DIAPH3: variants seen among roughly 807,000 people sequenced by gnomAD.
DIAPH3 encodes diaphanous related formin 3.
A neutral mutation model predicts 144.3 loss-of-function variants in DIAPH3; 117 were observed. The ratio of observed to expected loss-of-function variants is 0.81; its 90% CI spans 0.70 to 0.95. The LOEUF (loss-of-function observed/expected upper bound fraction) is 0.95, where lower values mean the gene tolerates loss of function less well. Ranked by LOEUF, DIAPH3 falls within the 40% of genes least tolerant of loss-of-function variation. DIAPH3 has a pLI of 0.00. For synonymous variants in DIAPH3, 519 were observed against 488.9 expected (o/e 1.06, Z -0.81); for missense variants, 1,421 against 1,412.7 (o/e 1.01, Z -0.09).
chr13:59,841,542 A>G (rs1200745886), intron 22 of DIAPH3, among the ~76,000 whole-genome samples: 2 of 152,150 alleles, frequency 1.3e-5, no homozygotes, highest in African/African-American at 4.8e-5. Flanking sequence ...TACAGTGACC[A>G]GTCATGGCAC....
chr13:60,131,537 A>G (rs2059141945), intron 2 of DIAPH3, among the ~76,000 whole-genome samples: 1 of 151,924 alleles, frequency 6.6e-6, no homozygotes, highest in Non-Finnish European at 1.5e-5. Context: ...GTGAATCACG[A>G]AAGACCACAT....
chr13:59,875,054 A>C (rs749255833), intron 21 of DIAPH3, among the ~76,000 whole-genome samples: 40 of 152,080 alleles, frequency 2.6e-4, no homozygotes, highest in Non-Finnish European at 4.0e-4. Context: ...AAATCCTTTG[A>C]AAAAAATGAA....
chr13:60,080,192 A>C (rs1364635274), intron 4 of DIAPH3, among the ~76,000 whole-genome samples: 1 of 151,926 alleles, frequency 6.6e-6, no homozygotes, highest in Non-Finnish European at 1.5e-5. Context: ...AAAAATCATT[A>C]ATGTTGTTAC....
intron 17 of DIAPH3, among the ~76,000 whole-genome samples, chr13:59,933,230 C>A (rs2048104982): frequency 6.6e-6 from 1 of 152,222 alleles, no homozygotes; most frequent in South Asian, 2.1e-4. Flanking sequence ...GGAATCCTGA[C>A]AACAGGTTCT....
At chr13:59,711,282 T>C (rs2034722356) in intron 27 of DIAPH3, among the ~76,000 whole-genome samples, 1 of 152,190 alleles carries the variant, frequency 6.6e-6, no homozygotes, top group African/African-American at 2.4e-5. Flanking sequence ...CCTTGAAGCT[T>C]GGAGTGGCTT....
chr13:59,729,810 A>ATTTTTTTTTTT lies in DIAPH3; in HGVS notation c.3319+44368_3319+44378dup, dbSNP rs59987412. On this transcript the variant is annotated intron_variant, in intron 27 of 27. Coordinates refer to ENST00000400324, the MANE Select transcript of DIAPH3 (RefSeq NM_001042517.2). ...TGTGACTTCCGGTGAATACATTAAT[A>ATTTTTTTTTTT]TTTTTTTTTTTTTTTTTTTGAGATA... Among the ~76,000 whole-genome samples the ATTTTTTTTTTT allele has an allele frequency of 9.5e-4, 127 of 134,208 alleles. 7 individuals carry two copies. The highest frequency in any genetic ancestry group is 3.6e-3 in the African/African-American group (117 of 32,604). The allele number at this position is 134,208 out of a possible 152,430, so 88.0% of individuals were successfully genotyped here.
At chr13:59,875,528 T>TA (rs144216660) in intron 21 of DIAPH3, among the ~76,000 whole-genome samples, 13,480 of 149,322 alleles carry the variant, frequency 0.09, 630 homozygotes, top group Admixed American at 0.11. Context: ...GAGATTGTTC[T>TA]AAAAAAAAAA....
intron 5 of DIAPH3, among the ~76,000 whole-genome samples, chr13:60,017,473 A>T (rs1234398636): frequency 2.0e-5 from 3 of 152,104 alleles, no homozygotes; most frequent in South Asian, 4.1e-4. Flanking sequence ...CTTAAGTCAT[A>T]TATCAGAAAA....
At chr13:59,948,428 C>G (rs1244199148) in intron 17 of DIAPH3, among the ~76,000 whole-genome samples, 1 of 152,156 alleles carries the variant, frequency 6.6e-6, no homozygotes, top group East Asian at 1.9e-4. Flanking sequence ...GTACGTCTAC[C>G]TAGTTTCCAT....
At chr13:60,121,808 G>A (rs1047085150) in intron 2 of DIAPH3, among the ~76,000 whole-genome samples, 13 of 152,134 alleles carry the variant, frequency 8.5e-5, no homozygotes, top group African/African-American at 1.9e-4. Flanking sequence ...CAGCTCTGCC[G>A]AAAGGTGATT....
At chr13:59,809,914 T>A (rs1051100391) in intron 25 of DIAPH3, among the ~76,000 whole-genome samples, 1 of 152,168 alleles carries the variant, frequency 6.6e-6, no homozygotes, top group African/African-American at 2.4e-5. Flanking sequence ...TAAAGCCTTG[T>A]TCAATCCTTA....
At chr13:60,007,333 G>A (rs1052995722) in intron 9 of DIAPH3, among the ~76,000 whole-genome samples, 1 of 152,158 alleles carries the variant, frequency 6.6e-6, no homozygotes, top group Non-Finnish European at 1.5e-5. Flanking sequence ...TTACAGGCAT[G>A]AGCCACCGCG....
At chr13:59,841,202 C>CA (rs1246434671) in intron 22 of DIAPH3, among the ~76,000 whole-genome samples, 2 of 152,124 alleles carry the variant, frequency 1.3e-5, no homozygotes, top group South Asian at 2.1e-4. Flanking sequence ...CTTAAAGTCT[C>CA]ATTAGCATTT....
intron 22 of DIAPH3, among the ~76,000 whole-genome samples, chr13:59,860,293 G>A (rs146256669): frequency 5.1e-4 from 78 of 152,026 alleles, no homozygotes; most frequent in African/African-American, 1.7e-3. Flanking sequence ...AAATAAAGAG[G>A]TTATAAAGAC....
At chr13:60,004,895 C>T (rs778733629) in intron 9 of DIAPH3, among the ~76,000 whole-genome samples, 72 of 152,226 alleles carry the variant, frequency 4.7e-4, no homozygotes, top group Middle Eastern at 3.4e-3. Flanking sequence ...TGAATCATCA[C>T]CTACTATGTC....
intron 27 of DIAPH3, among the ~76,000 whole-genome samples, chr13:59,697,459 C>CAAAAAAAAAAAA (rs58372882): frequency 1.1e-3 from 34 of 31,190 alleles, no homozygotes; most frequent in South Asian, 1.8e-3. Flanking sequence ...GACACTGTCT[C>CAAAAAAAAAAAA]AAAAAAAAAA....
At chr13:59,945,776 G>A (rs1209251154) in intron 17 of DIAPH3, among the ~76,000 whole-genome samples, 2 of 152,104 alleles carry the variant, frequency 1.3e-5, no homozygotes, top group Non-Finnish European at 2.9e-5. Flanking sequence ...GAGAACCAGG[G>A]TCAAGAGGTA....
intron 14 of DIAPH3, among the ~76,000 whole-genome samples, chr13:59,980,057 T>TTAA (rs1352346047): frequency 6.6e-6 from 1 of 151,630 alleles, no homozygotes; most frequent in Non-Finnish European, 1.5e-5. Context: ...ATCCTACTGC[T>TTAA]TAAGGTCACT....
intron 24 of DIAPH3, among the ~76,000 whole-genome samples, chr13:59,829,999 C>T (rs1254653068): frequency 2.0e-5 from 3 of 151,874 alleles, no homozygotes; most frequent in Non-Finnish European, 2.9e-5. Flanking sequence ...AACATTTTAA[C>T]AGTACTTTTT....
Sources: gnomAD v4.1 joint callset for allele counts (sites outside exome capture counted in the v4.1 genomes callset) on GRCh38, gnomAD v4.1.1 for gene constraint, MANE v1.5 for transcripts, NCBI Gene and HGNC (gene_info 2026-07-23, HGNC 2026-07-21) for gene names.